ODAD4: variants seen among roughly 807,000 people sequenced by gnomAD.
The protein encoded by ODAD4 is outer dynein arm-docking complex subunit 4.
Under a neutral mutation model 51.8 loss-of-function variants are expected in ODAD4, and 49 were observed. That is an observed-to-expected ratio of 0.95 (90% CI 0.75 to 1.20). ODAD4 has a LOEUF of 1.20. Among genes scored for constraint, ODAD4 ranks in the 50% most tolerant of loss-of-function variants. The probability of loss-of-function intolerance (pLI) is 0.00; values close to 1 mark genes in which losing one functional copy is unlikely to be tolerated. For missense variants in ODAD4, 590 were observed against 586.5 expected, an observed-to-expected ratio of 1.01 and a Z score of -0.06; for synonymous variants, 235 against 221.3, an observed-to-expected ratio of 1.06 and a Z score of -0.55.
rs927743632 is a variant in ODAD4 at position 41,955,445 on chromosome 17, T to G, written c.1443+128T>G. On this transcript the variant is annotated intron_variant, in intron 10 of 11. Transcript: ENST00000377540. ...TTTTTGTTTGTTTGTTTATTTGTTT[T>G]GAGACAGAGTCTTGCTCTGTTGCCC... The G allele has an allele frequency of 6.6e-6, 4 of 609,080 alleles. No homozygotes were observed. The Admixed American group carries it at 7.5e-5, about 11-fold the overall frequency. 37.7% of individuals were successfully genotyped at this position (609,080 alleles called of 1,614,324 possible).
intron 10 of ODAD4, among the ~76,000 whole-genome samples, chr17:41,959,265 C>T (rs1555641398): frequency 6.6e-6 from 1 of 152,232 alleles, no homozygotes; most frequent in East Asian, 1.9e-4. Context: ...AGGCCTCTTC[C>T]TCCTGCTTCT....
chr17:41,944,424 ACACACACACACACACACACACC>A lies in ODAD4; in HGVS notation c.1059-710_1059-689del, dbSNP rs1278082888. Among the ~76,000 whole-genome samples the A allele has an allele frequency of 2.2e-3, 33 of 15,060 alleles. 2 individuals are homozygous for A. The highest frequency in any genetic ancestry group is 5.2e-3 in the African/African-American group (32 of 6,166). 9.9% of individuals were successfully genotyped at this position (15,060 alleles called of 152,430 possible). On this transcript the variant is annotated intron_variant, in intron 7 of 11. Coordinates refer to ENST00000377540, the MANE Select transcript of ODAD4 (RefSeq NM_031421.5). ...CACACACACACACACACACACACACACACACACACACACACACACACCCCCCCGCATACACAGAAATTGCCTT... is the reference window on the plus strand; with the variant it reads ...CACACACACACACACACACACACACACCCCCGCATACACAGAAATTGCCTT...
In ODAD4 at chr17:41,938,775, G is replaced by T; in HGVS notation, c.844G>T (p.Asp282Tyr). 4.3e-6 allele frequency: 7 copies of T among 1,612,948 alleles called. No individual in the cohort carries two copies. The South Asian group carries it at 7.7e-5, about 18-fold the overall frequency. ...CATCCTCAAGAGCCTGGAGGACATT[G>T]ATATGTGTAGGTGTTGTTCTCAGAG... is the stretch of plus-strand genomic sequence containing the variant. ...HYILKSLEDI[D>Y]MLLTSGSAEG... The change falls in exon 6 of 12, where the codon GAT becomes TAT. Residue 282 changes from aspartate to tyrosine, a missense_variant. Physicochemically the swap from Asp to Tyr is radical, Grantham distance 160. Coordinates refer to ENST00000377540, the MANE Select transcript of ODAD4 (RefSeq NM_031421.5).
At chr17:41,964,934 C>T (rs2050856585) in intron 11 of ODAD4, 59 bp from the exon 12 acceptor site, 2 of 644,646 alleles carry the variant, frequency 3.1e-6, no homozygotes, top group African/African-American at 3.7e-5. Flanking sequence ...TGAGCCACCG[C>T]ACCCGGCCTG....
At chr17:41,953,662 T>TAG (rs1384696776) in intron 9 of ODAD4, among the ~76,000 whole-genome samples, 8 of 147,986 alleles carry the variant, frequency 5.4e-5, no homozygotes, top group African/African-American at 1.5e-4. Flanking sequence ...ATTATATATA[T>TAG]ATATATAGAG....
At position 41,960,377 on chromosome 17, in the gene ODAD4, G is replaced by A. The variant is rs970774332; in HGVS notation, c.1444-1005G>A. The stretch of plus-strand genomic sequence containing the variant: ...GCAGGAGAATGGCGTGAACCCAGGA[G>A]GCGGAGCTTGCAGTGAGCTGAGATC... On this transcript the variant is annotated intron_variant, in intron 10 of 11. Coordinates refer to ENST00000377540, the MANE Select transcript of ODAD4 (RefSeq NM_031421.5). Among the ~76,000 whole-genome samples, 6 of 152,332 alleles carry A rather than the reference G, an allele frequency of 3.9e-5. No individual in the cohort carries two copies. In the South Asian group the frequency reaches 6.2e-4, roughly 16 times the overall value.
intron 1 of ODAD4, among the ~76,000 whole-genome samples, chr17:41,934,787 T>C (rs1462901508): frequency 2.0e-5 from 3 of 152,266 alleles, no homozygotes; most frequent in African/African-American, 4.8e-5. Context: ...GCTTAGCCTT[T>C]GAAATTTGCT....
Position 41,959,852 on chromosome 17 carries a change from G to C in ODAD4, c.1444-1530G>C, listed in dbSNP as rs550632711. ...TGAGGACTGTGGTAAGGCTAACACT[G>C]CCCTCTCATGGCGGAGAAATCATAC... On this transcript the variant is annotated intron_variant, in intron 10 of 11. Transcript: ENST00000377540. 3.9e-5 allele frequency among the ~76,000 whole-genome samples: 6 copies of C among 152,056 alleles called. No individual in the cohort carries two copies. In the South Asian group the frequency reaches 1.2e-3, roughly 31 times the overall value.
At chr17:41,950,051 C>A (rs1381248258) in intron 9 of ODAD4, among the ~76,000 whole-genome samples, 2 of 152,108 alleles carry the variant, frequency 1.3e-5, no homozygotes, top group African/African-American at 2.4e-5. Context: ...CTCACTGCAA[C>A]CTTGGCCTCC....
intron 8 of ODAD4, 58 bp downstream of exon 8, chr17:41,945,280 C>G: frequency 7.5e-7 from 1 of 1,335,454 alleles, no homozygotes. Context: ...CTCACCATAA[C>G]ATGAAAATTT....
intron 7 of ODAD4, among the ~76,000 whole-genome samples, chr17:41,939,375 G>C (rs1369323826): frequency 6.6e-6 from 1 of 152,212 alleles, no homozygotes; most frequent in Non-Finnish European, 1.5e-5. Context: ...GCCACCAAAA[G>C]GGTAGTGGCT....
chr17:41,945,355 A>T, intron 8 of ODAD4, 133 bp downstream of exon 8: 1 of 700,168 alleles, frequency 1.4e-6, no homozygotes, highest in Non-Finnish European at 2.4e-6. Flanking sequence ...AAAAAAAAAA[A>T]AAAAAAATTA....
At position 41,945,233 on chromosome 17, in the gene ODAD4, A is replaced by C; in HGVS notation, c.1145+11A>C. On this transcript the variant is annotated intron_variant, in intron 8 of 11. Coordinates refer to ENST00000377540, the MANE Select transcript of ODAD4 (RefSeq NM_031421.5). Reference sequence around the variant, plus strand: ...GCAAGCCATTGACACGTGAGTGACCAAGAATTGCCTCTTCCCCACCTCCAT... The same window carrying C: ...GCAAGCCATTGACACGTGAGTGACCCAGAATTGCCTCTTCCCCACCTCCAT... 6.2e-7 allele frequency: 1 copy of C among 1,605,394 alleles called. No individual in the cohort carries two copies. Among genetic ancestry groups the C allele is most frequent in the Non-Finnish European group, 8.5e-7 (1 of 1,174,052 alleles).
intron 10 of ODAD4, among the ~76,000 whole-genome samples, chr17:41,958,932 T>C (rs1200088270): frequency 1.3e-5 from 2 of 151,348 alleles, no homozygotes; most frequent in African/African-American, 4.9e-5. Flanking sequence ...GAGAATTGCT[T>C]GAACCTGAGA....
intron 10 of ODAD4, among the ~76,000 whole-genome samples, chr17:41,959,616 G>GACGT: frequency 6.6e-6 from 1 of 152,178 alleles, no homozygotes; most frequent in East Asian, 1.9e-4. Flanking sequence ...GTGCACTGAA[G>GACGT]ACGTGGGAGG....
chr17:41,952,097 AG>A (rs2050661589), intron 9 of ODAD4, among the ~76,000 whole-genome samples: 3 of 151,428 alleles, frequency 2.0e-5, no homozygotes, highest in Admixed American at 2.0e-4. Flanking sequence ...GGCGGGGCAC[AG>A]TGGCCCATGC....
chr17:41,935,171 C>T (rs2050406480), intron 1 of ODAD4, 46 bp from the exon 2 acceptor site: 1 of 1,611,920 alleles, frequency 6.2e-7, no homozygotes, highest in Non-Finnish European at 8.5e-7. Context: ...CCAGCTTCTA[C>T]CTTGCTCTTC....
At position 41,955,148 on chromosome 17, in the gene ODAD4, A is replaced by G; in HGVS notation, c.1343-69A>G. ...GGGCCCTGGCAGTGCTCGAGTAGCC[A>G]GAGGCTCCATCATGCACCACACGTT... On this transcript the variant is annotated intron_variant, in intron 9 of 11. Transcript: ENST00000377540. 20 of 734,466 alleles carry G rather than the reference A, an allele frequency of 2.7e-5. No homozygotes were observed. In the South Asian group the frequency reaches 2.9e-4, roughly 11 times the overall value. 45.5% of individuals were successfully genotyped at this position (734,466 alleles called of 1,614,324 possible).
Position 41,945,221 on chromosome 17 carries a change from AC to A in ODAD4, c.1145del (p.Thr382SerfsTer56). The part of the protein sequence containing the change: ...RVGKFQQAID[T>X]WEEKIPLAKT... ...TGGGAAATTCCAGCAAGCCATTGAC[AC>A]GTGAGTGACCAAGAATTGCCTCTTC... is the stretch of plus-strand genomic sequence containing the variant. On this transcript the variant is annotated frameshift_variant and splice_region_variant, in exon 8 of 12. Transcript: ENST00000377540. LOFTEE classifies it high-confidence loss of function. 6.2e-7 allele frequency: 1 copy of A among 1,611,416 alleles called. No homozygotes were observed. The highest frequency in any genetic ancestry group is 1.1e-5 in the South Asian group (1 of 90,302).
Sources: allele counts gnomAD v4.1 joint callset (sites outside exome capture counted in the v4.1 genomes callset), GRCh38; gene constraint gnomAD v4.1.1; transcripts MANE v1.5; gene names NCBI Gene and HGNC (gene_info 2026-07-23, HGNC 2026-07-21).